The following SETD6 variants were observed in gnomAD, a reference collection of about 807,000 sequenced individuals.
SETD6 encodes N-lysine methyltransferase SETD6.
Under a neutral mutation model 52.7 loss-of-function variants are expected in SETD6, and 67 were observed. The observed-to-expected ratio is 1.27, with a 90% CI of 1.04 to 1.56. The LOEUF (loss-of-function observed/expected upper bound fraction) is 1.56. SETD6 is among the 40% of genes most tolerant of loss of function. The pLI is 0.00. For missense variants in SETD6, 712 were observed against 607.5 expected, an observed-to-expected ratio of 1.17 and a Z score of -1.81; for synonymous variants, 307 against 250.2, an observed-to-expected ratio of 1.23 and a Z score of -2.14.
rs1672404587 is a variant in SETD6 at position 58,522,195 on chromosome 16, T to G, written c.*3166T>G. Among the ~76,000 whole-genome samples the G allele has an allele frequency of 7.5e-6, 1 of 132,806 alleles. No individual in the cohort carries two copies. Among genetic ancestry groups the G allele is most frequent in the Non-Finnish European group, 1.5e-5 (1 of 65,232 alleles). 87.1% of individuals were successfully genotyped at this position (132,806 alleles called of 152,430 possible). A position where few individuals can be genotyped will look rare whatever the true frequency, so the allele number is the denominator to read the frequency against. On this transcript the variant is annotated 3_prime_UTR_variant, in exon 8 of 8. Transcript: ENST00000219315. ...TTAGCCGGACGTGGTGGCAGGTGCC[T>G]GTAATCCCAGCTACTCAGGAGGCGA...
Position 58,520,915 on chromosome 16 carries a change from T to G in SETD6, c.*1886T>G. 6.1e-5 allele frequency: 96 copies of G among 1,581,426 alleles called. No individual in the cohort carries two copies. The highest frequency in any genetic ancestry group is 7.5e-5 in the Non-Finnish European group (87 of 1,156,282). Reference sequence around the variant, plus strand: ...CAGTCAGTTTATGAACTCGGTGCAGTGAGACCTCTAGACTGACACGTACAA... The same window carrying G: ...CAGTCAGTTTATGAACTCGGTGCAGGGAGACCTCTAGACTGACACGTACAA... On this transcript the variant is annotated 3_prime_UTR_variant, in exon 8 of 8. Coordinates refer to ENST00000219315, the MANE Select transcript of SETD6 (RefSeq NM_001160305.4).
chr16:58,519,826 T>TC lies in SETD6; in HGVS notation c.*798dup, dbSNP rs1380066010. 1 of 139,260 alleles carries TC rather than the reference T, an allele frequency of 7.2e-6. No homozygotes were observed. Among genetic ancestry groups the TC allele is most frequent in the Non-Finnish European group, 1.6e-5 (1 of 62,746 alleles). The allele number at this position is 139,260 out of a possible 1,614,324, so 8.6% of individuals were successfully genotyped here. Reference sequence around the variant, plus strand: ...AATGACCTATCAATCAATCAATCAATCATTCAGCAAGAAGTTAGTTGGTGG... The same window carrying TC: ...AATGACCTATCAATCAATCAATCAATCCATTCAGCAAGAAGTTAGTTGGTGG... On this transcript the variant is annotated 3_prime_UTR_variant, in exon 8 of 8. Coordinates refer to ENST00000219315, the MANE Select transcript of SETD6 (RefSeq NM_001160305.4).
At position 58,522,078 on chromosome 16, in the gene SETD6, G is replaced by C. The variant is rs960442565; in HGVS notation, c.*3049G>C. On this transcript the variant is annotated 3_prime_UTR_variant, in exon 8 of 8. Coordinates refer to ENST00000219315, the MANE Select transcript of SETD6 (RefSeq NM_001160305.4). ...CTCACGCCTGTAATCCCAGCACTCT[G>C]GGAGGCCAAGACGGGTGGATCACGA... Among the ~76,000 whole-genome samples the C allele has an allele frequency of 3.3e-5, 5 of 151,990 alleles. No individual in the cohort carries two copies. Among genetic ancestry groups the C allele is most frequent in the Non-Finnish European group, 7.4e-5 (5 of 68,008 alleles).
intron 5 of SETD6, 24 bp downstream of exon 5, chr16:58,516,952 A>G: frequency 6.2e-7 from 1 of 1,614,064 alleles, no homozygotes; most frequent in Non-Finnish European, 8.5e-7. Context: ...CTCTTGGTGC[A>G]CTGATTGAGC....
In SETD6 at chr16:58,520,505, T is replaced by TTA; in HGVS notation, c.*1477_*1478dup. On this transcript the variant is annotated 3_prime_UTR_variant, in exon 8 of 8. Coordinates refer to ENST00000219315, the MANE Select transcript of SETD6 (RefSeq NM_001160305.4). ...TGATTTTCAAGGTCCCCTGTCCACA[T>TTA]TAAAAAAATAAGTTACATAATATTC... The TTA allele has an allele frequency of 5.9e-6, 1 of 169,480 alleles. No individual in the cohort carries two copies. Among genetic ancestry groups the TTA allele is most frequent in the African/African-American group, 2.4e-5 (1 of 42,026 alleles). The allele number at this position is 169,480 out of a possible 1,614,324, so 10.5% of individuals were successfully genotyped here.
Position 58,516,273 on chromosome 16 carries a change from C to G in SETD6, c.406C>G (p.Pro136Ala). 1.2e-6 allele frequency: 2 copies of G among 1,602,564 alleles called. No individual in the cohort carries two copies. Among genetic ancestry groups the G allele is most frequent in the Non-Finnish European group, 1.7e-6 (2 of 1,179,786 alleles). Residue 136 changes from proline to alanine, a missense_variant, in exon 3 of 8, where the codon CCG (proline) becomes GCG (alanine). Pro to Ala is a conservative substitution (Grantham distance 27). Transcript: ENST00000219315. Reference protein sequence around the residue: ...LLALLHELQAPASRWRPYFAL... With the variant: ...LLALLHELQAAASRWRPYFAL... ...GGCGCTGCTCCACGAGCTGCAGGCC[C>G]CGGCCTCACGCTGGAGGCCCTACTT...
chr16:58,521,896 A>G lies in SETD6; in HGVS notation c.*2867A>G, dbSNP rs1374880880. Reference sequence around the variant, plus strand: ...AACCCAGTAGGTGGAGGTTGTGGTGAGCCGAGATGGTGCCACTGCACTCCA... The same window carrying G: ...AACCCAGTAGGTGGAGGTTGTGGTGGGCCGAGATGGTGCCACTGCACTCCA... On this transcript the variant is annotated 3_prime_UTR_variant, in exon 8 of 8. Transcript: ENST00000219315. Among the ~76,000 whole-genome samples the G allele has an allele frequency of 2.0e-5, 3 of 152,176 alleles. No individual in the cohort carries two copies. The highest frequency in any genetic ancestry group is 4.8e-5 in the African/African-American group (2 of 41,446).
chr16:58,515,970 G>GGGCACGGTGGCCGGCTA lies in SETD6; in HGVS notation c.208_224dup (p.Tyr75Ter). The GGGCACGGTGGCCGGCTA allele has an allele frequency of 1.4e-5, 22 of 1,533,948 alleles. No individual in the cohort carries two copies. The highest frequency in any genetic ancestry group is 1.8e-5 in the Non-Finnish European group (21 of 1,149,872). ...CTGCTCAGGTGGCGGTCAGCCGGCA[G>GGGCACGGTGGCCGGCTA]GGCACGGTGGCCGGCTACGGCATGG... On this transcript the variant is annotated frameshift_variant, in exon 2 of 8. Coordinates refer to ENST00000219315, the MANE Select transcript of SETD6 (RefSeq NM_001160305.4). LOFTEE classifies it high-confidence loss of function.
Position 58,518,445 on chromosome 16 carries a change from G to A in SETD6, c.1018G>A (p.Asp340Asn), listed in dbSNP as rs11865588. The stretch of plus-strand genomic sequence containing the variant: ...AAGGCACCTAGTGTACGAGCGCTGG[G>A]ATTTCCTATGCAAACTGGAGATGGT... ...AERHLVYERW[D>N]FLCKLEMVGE... The change falls in exon 7 of 8, where the codon GAT (aspartate) becomes AAT (asparagine). Residue 340 changes from aspartate to asparagine, a missense_variant. Asp to Asn is a conservative substitution (Grantham distance 23). Transcript: ENST00000219315. 1,379 of 1,586,738 alleles carry A rather than the reference G, an allele frequency of 8.7e-4. 10 individuals carry two copies. In the African/African-American group the frequency reaches 0.016, roughly 18 times the overall value.
rs1483951307 is a variant in SETD6 at position 58,520,485 on chromosome 16, T to G, written c.*1456T>G. 6.2e-6 allele frequency: 1 copy of G among 160,872 alleles called. No individual in the cohort carries two copies. The highest frequency in any genetic ancestry group is 1.4e-5 in the Non-Finnish European group (1 of 72,312). 10.0% of individuals were successfully genotyped at this position (160,872 alleles called of 1,614,324 possible). ...CCACATTTTTAATAACTTAGTGATT[T>G]TCAAGGTCCCCTGTCCACATTAAAA... On this transcript the variant is annotated 3_prime_UTR_variant, in exon 8 of 8. Transcript: ENST00000219315.
rs1357787890 is a variant in SETD6, at chr16:58,520,217, T to C, written c.*1188T>C. On this transcript the variant is annotated 3_prime_UTR_variant, in exon 8 of 8. Transcript: ENST00000219315. ...CCCTTTCCTATATTCCCACTGTTTT[T>C]AAGTTTCAGGAGAGGATTGGGGGGG... 6.8e-6 allele frequency: 1 copy of C among 147,526 alleles called. No homozygotes were observed. The highest frequency in any genetic ancestry group is 2.1e-4 in the East Asian group (1 of 4,840). 9.1% of individuals were successfully genotyped at this position (147,526 alleles called of 1,614,324 possible). A position where few individuals can be genotyped will look rare whatever the true frequency, so the allele number is the denominator to read the frequency against.
chr16:58,521,552 T>C lies in SETD6; in HGVS notation c.*2523T>C, dbSNP rs565707927. On this transcript the variant is annotated 3_prime_UTR_variant, in exon 8 of 8. Transcript: ENST00000219315. Reference sequence around the variant, plus strand: ...TATTTATATAAAGTGCAGATAATGGTATCTACCTCACAGCTGTTCAGAATA... The same window carrying C: ...TATTTATATAAAGTGCAGATAATGGCATCTACCTCACAGCTGTTCAGAATA... Among the ~76,000 whole-genome samples the C allele has an allele frequency of 3.3e-5, 5 of 152,320 alleles. No individual in the cohort carries two copies. The East Asian group carries it at 5.8e-4, about 18-fold the overall frequency.
chr16:58,517,306 A>G (rs372271843), intron 5 of SETD6: 8 of 330,008 alleles, frequency 2.4e-5, no homozygotes, highest in East Asian at 2.2e-4. Flanking sequence ...TCACAGGCCA[A>G]AGGTCTAAGA....
Position 58,521,988 on chromosome 16 carries a change from T to G in SETD6, c.*2959T>G, listed in dbSNP as rs1040212289. Among the ~76,000 whole-genome samples, 3 of 150,990 alleles carry G rather than the reference T, an allele frequency of 2.0e-5. No homozygotes were observed. The highest frequency in any genetic ancestry group is 3.0e-5 in the Non-Finnish European group (2 of 67,790). On this transcript the variant is annotated 3_prime_UTR_variant, in exon 8 of 8. Coordinates refer to ENST00000219315, the MANE Select transcript of SETD6 (RefSeq NM_001160305.4). ...AAATTAAATAAATAAATAAGCTCAC[T>G]CTCAATAAAAAGGAAACAGAAAATA...
Position 58,519,873 on chromosome 16 carries a change from G to A in SETD6, c.*844G>A, listed in dbSNP as rs3200575. On this transcript the variant is annotated 3_prime_UTR_variant, in exon 8 of 8. Transcript: ENST00000219315. ...GTGGTTCCCCATGGCCCCAAGGTCT[G>A]CAGGGCTGGATTGTCCACTTTTCCT... is the stretch of plus-strand genomic sequence containing the variant. The A allele has an allele frequency of 0.39, 59,180 of 151,992 alleles. 12,905 individuals are homozygous for A. The highest frequency in any genetic ancestry group is 0.59 in the African/African-American group (24,416 of 41,428). 9.4% of individuals were successfully genotyped at this position (151,992 alleles called of 1,614,324 possible). A position where few individuals can be genotyped will look rare whatever the true frequency, so the allele number is the denominator to read the frequency against.
chr16:58,523,168 C>T lies in SETD6; in HGVS notation c.*4139C>T. 2.7e-6 allele frequency: 1 copy of T among 373,550 alleles called. No homozygotes were observed. Among genetic ancestry groups the T allele is most frequent in the Non-Finnish European group, 4.7e-6 (1 of 213,854 alleles). The allele number at this position is 373,550 out of a possible 1,614,324, so 23.1% of individuals were successfully genotyped here. A position where few individuals can be genotyped will look rare whatever the true frequency, so the allele number is the denominator to read the frequency against. On this transcript the variant is annotated 3_prime_UTR_variant, in exon 8 of 8. Coordinates refer to ENST00000219315, the MANE Select transcript of SETD6 (RefSeq NM_001160305.4). Reference sequence around the variant, plus strand: ...GCTAAGGCACGAGAATCGCTTGAACCTGGGAGGCGGAGGTTGCAGTGAGCC... The same window carrying T: ...GCTAAGGCACGAGAATCGCTTGAACTTGGGAGGCGGAGGTTGCAGTGAGCC...
chr16:58,517,085 G>A (rs1299182275), intron 5 of SETD6, 157 bp downstream of exon 5: 9 of 1,119,978 alleles, frequency 8.0e-6, no homozygotes, highest in Middle Eastern at 2.0e-4. Context: ...ATTTGAATGC[G>A]AAACATTTTA....
intron 6 of SETD6, 22 bp from the exon 7 acceptor site, chr16:58,518,379 C>T (rs758361617): frequency 1.3e-6 from 2 of 1,580,356 alleles, no homozygotes; most frequent in Admixed American, 2.0e-5. Flanking sequence ...CTGAGACTTT[C>T]ACATTGCTGT....
intron 2 of SETD6, 43 bp downstream of exon 2, chr16:58,516,140 G>GGGGCA: frequency 1.6e-6 from 2 of 1,244,564 alleles, no homozygotes; most frequent in Non-Finnish European, 2.0e-6. Flanking sequence ...GGGGCGGGGC[G>GGGGCA]GGGCGGGGCG....
Sources: allele counts gnomAD v4.1 joint callset (sites outside exome capture counted in the v4.1 genomes callset), GRCh38; gene constraint gnomAD v4.1.1; transcripts MANE v1.5; gene names NCBI Gene and HGNC (gene_info 2026-07-23, HGNC 2026-07-21).